The following NCOA2 variants were observed in gnomAD, a reference collection of about 807,000 sequenced individuals.
NCOA2 encodes the protein nuclear receptor coactivator 2, also known as class E basic helix-loop-helix protein 75.
A neutral mutation model predicts 145.1 loss-of-function variants in NCOA2; 21 were observed. The observed-to-expected ratio is 0.14, with a 90% CI of 0.10 to 0.21. NCOA2 has a LOEUF of 0.21. NCOA2 is among the 10% of genes least tolerant of loss of function. The pLI is 1.00. For missense variants in NCOA2, 1,472 were observed against 1,837.6 expected (o/e 0.80, Z 3.64); for synonymous variants, 619 against 637.5 (o/e 0.97, Z 0.44).
chr8:70,197,562 C>T (rs1817461411), intron 4 of NCOA2, among the ~76,000 whole-genome samples: 1 of 152,220 alleles, frequency 6.6e-6, no homozygotes, highest in Non-Finnish European at 1.5e-5. Flanking sequence ...TTCCTGATGG[C>T]TAGCACAGTG....
chr8:70,377,652 A>G (rs1811800557), intron 1 of NCOA2, among the ~76,000 whole-genome samples: 1 of 152,186 alleles, frequency 6.6e-6, no homozygotes, highest in African/African-American at 2.4e-5. Flanking sequence ...AATTCCAGGC[A>G]TTGAATTAAA....
chr8:70,418,344 C>G, the NCOA2 span, among the ~76,000 whole-genome samples: 4 of 152,148 alleles, frequency 2.6e-5, no homozygotes, highest in Admixed American at 2.6e-4. Flanking sequence ...TTTCATGACC[C>G]TGGGCCTACT....
intron 2 of NCOA2, among the ~76,000 whole-genome samples, chr8:70,269,024 T>C (rs555168371): frequency 9.6e-4 from 146 of 152,220 alleles, no homozygotes; most frequent in African/African-American, 3.2e-3. Context: ...GCGTGGAAAG[T>C]AAGGAAAAGT....
intron 10 of NCOA2, among the ~76,000 whole-genome samples, chr8:70,159,243 T>TATATATATATATATATATATATGTATATA (rs869045939): frequency 9.7e-5 from 8 of 82,062 alleles, no homozygotes; most frequent in Non-Finnish European, 1.6e-4. Context: ...TATATATATA[T>TATATATATATATATATATATATGTATATA]TTTTTTTTTT....
intron 2 of NCOA2, among the ~76,000 whole-genome samples, chr8:70,222,904 T>C (rs1210742753): frequency 6.6e-6 from 1 of 152,192 alleles, no homozygotes; most frequent in Admixed American, 6.5e-5. Context: ...CTGACATCAG[T>C]GGCACATGAT....
intron 2 of NCOA2, among the ~76,000 whole-genome samples, chr8:70,236,885 A>G (rs978267735): frequency 4.6e-5 from 7 of 152,178 alleles, no homozygotes; most frequent in Admixed American, 1.3e-4. Flanking sequence ...TCTAGAACCA[A>G]TCCCCTGTAA....
chr8:70,167,486 AC>A (rs1313918933), intron 6 of NCOA2, among the ~76,000 whole-genome samples: 1 of 152,022 alleles, frequency 6.6e-6, no homozygotes, highest in Non-Finnish European at 1.5e-5. Context: ...TACAATCAAT[AC>A]TTTACTAACT....
intron 2 of NCOA2, among the ~76,000 whole-genome samples, chr8:70,247,566 T>C (rs1822734495): frequency 6.6e-6 from 1 of 152,232 alleles, no homozygotes; most frequent in Non-Finnish European, 1.5e-5. Context: ...ATGCAATGAC[T>C]GCAGTTTTAA....
At chr8:70,256,490 A>G (rs562504900) in intron 2 of NCOA2, among the ~76,000 whole-genome samples, 2 of 152,172 alleles carry the variant, frequency 1.3e-5, no homozygotes, top group Admixed American at 6.5e-5. Flanking sequence ...TTGTTTCATT[A>G]TATTTTCCAA....
intron 1 of NCOA2, among the ~76,000 whole-genome samples, chr8:70,393,457 A>G (rs1563840880): frequency 6.6e-6 from 1 of 151,944 alleles, no homozygotes; most frequent in Non-Finnish European, 1.5e-5. Flanking sequence ...TCCTCTATCT[A>G]CCTACCAAAG....
chr8:70,306,899 T>C (rs375587205), intron 1 of NCOA2, among the ~76,000 whole-genome samples: 5 of 152,144 alleles, frequency 3.3e-5, no homozygotes, highest in Admixed American at 2.0e-4. Flanking sequence ...ATTTTACAGA[T>C]GAGGAAACTA....
chr8:70,173,988 G>A (rs1204211490), intron 5 of NCOA2, among the ~76,000 whole-genome samples: 2 of 152,130 alleles, frequency 1.3e-5, no homozygotes, highest in African/African-American at 2.4e-5. Flanking sequence ...CAACCTCATC[G>A]TATCATCAGC....
At chr8:70,402,604 G>A (rs1586697129) in intron 1 of NCOA2, 1 of 151,356 alleles carries the variant, frequency 6.6e-6, no homozygotes. Context: ...ACCCCCCAGG[G>A]GCCCGAGAGG....
Position 70,304,606 on chromosome 8 carries a change from C to T in NCOA2, c.-76-7806G>A, listed in dbSNP as rs530749188. Among the ~76,000 whole-genome samples, 5 of 152,082 alleles carry T rather than the reference C, an allele frequency of 3.3e-5. No homozygotes were observed. In the East Asian group the frequency reaches 7.7e-4, roughly 24 times the overall value. On this transcript the variant is annotated intron_variant, in intron 1 of 22. Transcript: ENST00000452400. ...TCAGCCTCCTGAGTGGCTAGGATTA[C>T]AGGTGCCCGCCACCATGCCCGGCTA...
intron 4 of NCOA2, among the ~76,000 whole-genome samples, chr8:70,199,137 G>T (rs1002022237): frequency 6.6e-6 from 1 of 152,098 alleles, no homozygotes; most frequent in African/African-American, 2.4e-5. Context: ...GAGTGAGGAT[G>T]AATGTGGTAC....
intron 1 of NCOA2, among the ~76,000 whole-genome samples, chr8:70,332,467 T>G (rs1439857381): frequency 1.3e-5 from 2 of 152,194 alleles, no homozygotes; most frequent in Admixed American, 1.3e-4. Flanking sequence ...TTCCTAATTC[T>G]AAATAGGAAA....
intron 22 of NCOA2, among the ~76,000 whole-genome samples, chr8:70,118,681 G>C (rs1489985475): frequency 6.6e-6 from 1 of 151,340 alleles, no homozygotes; most frequent in Non-Finnish European, 1.5e-5. Context: ...GTCTCTACTG[G>C]GGGAGGATTT....
At chr8:70,234,296 A>G (rs906370953) in intron 2 of NCOA2, among the ~76,000 whole-genome samples, 1 of 152,212 alleles carries the variant, frequency 6.6e-6, no homozygotes, top group Non-Finnish European at 1.5e-5. Context: ...CTTTTTGGCT[A>G]TTATGAATAA....
At chr8:70,340,172 A>G (rs1346347438) in intron 1 of NCOA2, among the ~76,000 whole-genome samples, 1 of 152,220 alleles carries the variant, frequency 6.6e-6, no homozygotes, top group Non-Finnish European at 1.5e-5. Flanking sequence ...AATGGGAGAA[A>G]CATTTGGTAA....
Sources: gnomAD v4.1 joint callset for allele counts (sites outside exome capture counted in the v4.1 genomes callset) on GRCh38, gnomAD v4.1.1 for gene constraint, MANE v1.5 for transcripts, NCBI Gene and HGNC (gene_info 2026-07-23, HGNC 2026-07-21) for gene names.